RHBDD1: variants seen among roughly 807,000 people sequenced by gnomAD.
The protein encoded by RHBDD1 is rhomboid domain containing 1.
RHBDD1 carries 38 observed loss-of-function variants against 36.3 expected under a neutral mutation model. That is an observed-to-expected ratio of 1.05 (90% CI 0.81 to 1.37). The LOEUF is 1.37. RHBDD1 is among the 40% of genes most tolerant of loss of function. The probability of loss-of-function intolerance (pLI) is 0.00; values close to 1 mark genes in which losing one functional copy is unlikely to be tolerated. For missense variants in RHBDD1, 393 were observed against 377.6 expected, an observed-to-expected ratio of 1.04 and a Z score of -0.34; for synonymous variants, 151 against 136.5, an observed-to-expected ratio of 1.11 and a Z score of -0.74.
At chr2:226,828,107 C>G in the RHBDD1 span, among the ~76,000 whole-genome samples, 1 of 152,160 alleles carries the variant, frequency 6.6e-6, no homozygotes. Context: ...TTTTCTCATG[C>G]TAATTTAGAG....
chr2:226,884,032 A>G (rs1027659566), intron 5 of RHBDD1, among the ~76,000 whole-genome samples: 8 of 152,128 alleles, frequency 5.3e-5, no homozygotes, highest in African/African-American at 1.9e-4. Flanking sequence ...TTTTTTTAGG[A>G]GACACTATTG....
At chr2:226,973,519 C>T (rs1276984335) in intron 8 of RHBDD1, among the ~76,000 whole-genome samples, 3 of 152,200 alleles carry the variant, frequency 2.0e-5, no homozygotes, top group Non-Finnish European at 2.9e-5. Context: ...AAGAGCAAAG[C>T]TCTACTGCCT....
At chr2:226,844,496 G>T (rs189053708) in intron 3 of RHBDD1, among the ~76,000 whole-genome samples, 95 of 152,268 alleles carry the variant, frequency 6.2e-4, no homozygotes, top group African/African-American at 2.2e-3. Context: ...TGTTGTGCAG[G>T]GAAGACTTGA....
chr2:226,853,484 G>T (rs1275554667), intron 3 of RHBDD1, among the ~76,000 whole-genome samples: 1 of 152,230 alleles, frequency 6.6e-6, no homozygotes, highest in Non-Finnish European at 1.5e-5. Flanking sequence ...TCTCGCAAGG[G>T]TCACAGCTGG....
intron 8 of RHBDD1, among the ~76,000 whole-genome samples, chr2:226,942,229 T>C (rs1360908457): frequency 1.4e-5 from 2 of 147,556 alleles, no homozygotes; most frequent in East Asian, 4.0e-4. Context: ...TTAGATTGGC[T>C]GTCGTGATCA....
intron 5 of RHBDD1, among the ~76,000 whole-genome samples, chr2:226,881,779 A>G (rs1945759787): frequency 1.3e-5 from 2 of 152,224 alleles, no homozygotes; most frequent in Non-Finnish European, 1.5e-5. Context: ...ATATGTATTA[A>G]TAACAAAAAT....
At chr2:226,892,519 T>G (rs1946768160) in intron 5 of RHBDD1, among the ~76,000 whole-genome samples, 1 of 152,204 alleles carries the variant, frequency 6.6e-6, no homozygotes, top group Admixed American at 6.5e-5. Flanking sequence ...TTTTTATAAG[T>G]ACAAAGAACT....
intron 3 of RHBDD1, among the ~76,000 whole-genome samples, chr2:226,844,613 C>G (rs941240698): frequency 6.6e-6 from 1 of 152,160 alleles, no homozygotes; most frequent in Non-Finnish European, 1.5e-5. Flanking sequence ...ACAAAGAAAT[C>G]TGGTGCAGAG....
At chr2:226,907,239 G>T (rs759564481) in intron 6 of RHBDD1, among the ~76,000 whole-genome samples, 1 of 152,144 alleles carries the variant, frequency 6.6e-6, no homozygotes, top group Non-Finnish European at 1.5e-5. Context: ...ATTAATATAC[G>T]TGCAAGGCAA....
intron 8 of RHBDD1, among the ~76,000 whole-genome samples, chr2:226,953,514 G>A (rs1441442919): frequency 6.6e-6 from 1 of 152,148 alleles, no homozygotes; most frequent in Non-Finnish European, 1.5e-5. Context: ...GAGCCACATG[G>A]CCTCTCAATC....
At chr2:226,955,651 G>A (rs1013731571) in intron 8 of RHBDD1, among the ~76,000 whole-genome samples, 5 of 152,218 alleles carry the variant, frequency 3.3e-5, no homozygotes, top group Admixed American at 1.3e-4. Flanking sequence ...TAGAAGTCCA[G>A]GATCAAGGCA....
At chr2:226,802,575 A>G in the RHBDD1 span, among the ~76,000 whole-genome samples, 1 of 152,198 alleles carries the variant, frequency 6.6e-6, no homozygotes, top group Non-Finnish European at 1.5e-5. Context: ...TTATTCTGTC[A>G]CCTAAGCTAA....
the RHBDD1 span, among the ~76,000 whole-genome samples, chr2:226,805,276 C>T: frequency 6.6e-6 from 1 of 152,060 alleles, no homozygotes; most frequent in Non-Finnish European, 1.5e-5. Context: ...GCAGTGGCGC[C>T]GTCTCGGCTC....
chr2:226,928,820 C>A (rs1949835024), intron 8 of RHBDD1, among the ~76,000 whole-genome samples: 1 of 151,906 alleles, frequency 6.6e-6, no homozygotes, highest in Non-Finnish European at 1.5e-5. Flanking sequence ...AAAATGGAGA[C>A]ACTACAACCA....
At chr2:226,906,608 A>T in intron 5 of RHBDD1, 185 bp from the exon 6 acceptor site, 1 of 1,300,278 alleles carries the variant, frequency 7.7e-7, no homozygotes, top group Non-Finnish European at 1.0e-6. Context: ...TATTCATTGT[A>T]CTTTTTTTTA....
Position 226,978,383 on chromosome 2 carries a change from CAT to C in RHBDD1, c.857-17047_857-17046del, listed in dbSNP as rs751573074. Among the ~76,000 whole-genome samples the C allele has an allele frequency of 7.6e-4, 115 of 152,294 alleles. 1 individual carries two copies. Among genetic ancestry groups the C allele is most frequent in the African/African-American group, 1.2e-3 (48 of 41,544 alleles). On this transcript the variant is annotated intron_variant, in intron 8 of 8. Transcript: ENST00000392062. ...AGAAAGGTTGGATGGTAAAGGGAAACATGTGTGTACTGGTGTCCAAAGCAAAC... is the reference window on the plus strand; with the variant it reads ...AGAAAGGTTGGATGGTAAAGGGAAACGTGTGTACTGGTGTCCAAAGCAAAC...
At chr2:226,945,937 C>T (rs767859404) in intron 8 of RHBDD1, among the ~76,000 whole-genome samples, 6 of 152,094 alleles carry the variant, frequency 3.9e-5, no homozygotes, top group Non-Finnish European at 5.9e-5. Context: ...TGTTTGTTGG[C>T]CACATAAATG....
At chr2:226,930,871 A>C (rs558927723) in intron 8 of RHBDD1, among the ~76,000 whole-genome samples, 42 of 152,268 alleles carry the variant, frequency 2.8e-4, no homozygotes, top group Non-Finnish European at 5.3e-4. Flanking sequence ...AATGACCAAG[A>C]AACGTATGAA....
At chr2:226,956,234 T>G (rs533360218) in intron 8 of RHBDD1, among the ~76,000 whole-genome samples, 49 of 152,108 alleles carry the variant, frequency 3.2e-4, no homozygotes, top group Non-Finnish European at 5.3e-4. Flanking sequence ...CACGCCCCAC[T>G]AAGCCGTGCC....
Sources: gnomAD v4.1 joint callset for allele counts (sites outside exome capture counted in the v4.1 genomes callset) on GRCh38, gnomAD v4.1.1 for gene constraint, MANE v1.5 for transcripts, NCBI Gene and HGNC (gene_info 2026-07-23, HGNC 2026-07-21) for gene names.